KMT2C: variants seen among roughly 807,000 people sequenced by gnomAD.
KMT2C encodes lysine methyltransferase 2C.
In KMT2C, 88 loss-of-function variants were observed where a neutral mutation model predicts 507.9. The observed-to-expected ratio is 0.17, with a 90% CI of 0.15 to 0.21. The LOEUF is 0.21. Ranked by LOEUF, KMT2C falls within the 10% of genes least tolerant of loss-of-function variation. The pLI is 1.00. For missense variants in KMT2C, 4,954 were observed against 5,957.8 expected, an observed-to-expected ratio of 0.83 and a Z score of 5.55; for synonymous variants, 2,049 against 2,080.8, an observed-to-expected ratio of 0.98 and a Z score of 0.42.
intron 6 of KMT2C, among the ~76,000 whole-genome samples, chr7:152,284,331 G>A (rs550130869): frequency 1.3e-5 from 2 of 152,090 alleles, no homozygotes; most frequent in African/African-American, 2.4e-5. Context: ...TTTGACCAAG[G>A]GGCCAAGATA....
At position 152,369,177 on chromosome 7, in the gene KMT2C, G is replaced by A. The variant is rs148062016; in HGVS notation, c.162-10502C>T. 4.1e-3 allele frequency among the ~76,000 whole-genome samples: 625 copies of A among 152,144 alleles called. 20 individuals carry two copies. The East Asian group carries it at 0.053, about 13-fold the overall frequency. Reference sequence around the variant, plus strand: ...GTCTCCACTAAAAATACAAAAGTTGGCCGGGCATGGTGGCACGTGCCTGTA... The same window carrying A: ...GTCTCCACTAAAAATACAAAAGTTGACCGGGCATGGTGGCACGTGCCTGTA... On this transcript the variant is annotated intron_variant, in intron 1 of 58. Coordinates refer to ENST00000262189, the MANE Select transcript of KMT2C (RefSeq NM_170606.3).
chr7:152,383,718 A>G (rs962892448), intron 1 of KMT2C, among the ~76,000 whole-genome samples: 4 of 152,154 alleles, frequency 2.6e-5, no homozygotes, highest in African/African-American at 9.7e-5. Context: ...ACCTTAAGCA[A>G]GTCACTTAAC....
At chr7:152,231,316 T>C (rs2095102464) in intron 16 of KMT2C, among the ~76,000 whole-genome samples, 1 of 152,212 alleles carries the variant, frequency 6.6e-6, no homozygotes, top group Non-Finnish European at 1.5e-5. Context: ...AGCTCTGAAC[T>C]AGAAGCTGTA....
Position 152,185,789 on chromosome 7 carries a change from G to A in KMT2C, c.5009-158C>T, listed in dbSNP as rs112926439. Among the ~76,000 whole-genome samples, 11 of 152,318 alleles carry A rather than the reference G, an allele frequency of 7.2e-5. 1 individual carries two copies. In the South Asian group the frequency reaches 8.3e-4, roughly 11 times the overall value. ...AAGTTTTTTACAAAGAACAAAGATC[G>A]TGGCACACTGTAGGCCAAACAAACG... On this transcript the variant is annotated intron_variant, in intron 33 of 58. Transcript: ENST00000262189.
At chr7:152,233,459 AAAG>A (rs1002481959) in intron 16 of KMT2C, among the ~76,000 whole-genome samples, 21 of 152,192 alleles carry the variant, frequency 1.4e-4, no homozygotes, top group African/African-American at 5.1e-4. Flanking sequence ...GTAAACAAAA[AAAG>A]AAGATCAAAT....
intron 2 of KMT2C, among the ~76,000 whole-genome samples, chr7:152,345,787 CTG>C (rs1421808856): frequency 1.3e-5 from 2 of 152,140 alleles, no homozygotes; most frequent in Non-Finnish European, 2.9e-5. Context: ...TCCTAAAGTG[CTG>C]TGATTCCAGG....
intron 6 of KMT2C, among the ~76,000 whole-genome samples, chr7:152,297,059 G>GAAAGAAAGAAAGAAAGAC (rs1563767704): frequency 1.0e-3 from 67 of 64,386 alleles, no homozygotes; most frequent in Admixed American, 2.1e-3. Context: ...GAAAGACAGA[G>GAAAGAAAGAAAGAAAGAC]AGAGAGAGAG....
At chr7:152,252,747 GT>G (rs756833175) in intron 9 of KMT2C, 32 bp from the exon 10 acceptor site, 1 of 1,488,890 alleles carries the variant, frequency 6.7e-7, no homozygotes, top group South Asian at 1.2e-5. Context: ...AACAAAAACA[GT>G]TTGTTATGCA....
At position 152,376,098 on chromosome 7, in the gene KMT2C, CTA is replaced by C. The variant is rs568858487; in HGVS notation, c.162-17425_162-17424del. Reference sequence around the variant, plus strand: ...GGGATTCCAGGAGTGAGCTACCATGCTATCTTTGATGTTACTATTGTAATTGT... The same window carrying C: ...GGGATTCCAGGAGTGAGCTACCATGCTCTTTGATGTTACTATTGTAATTGT... On this transcript the variant is annotated intron_variant, in intron 1 of 58. Coordinates refer to ENST00000262189, the MANE Select transcript of KMT2C (RefSeq NM_170606.3). Among the ~76,000 whole-genome samples the C allele has an allele frequency of 5.3e-5, 8 of 152,328 alleles. No individual in the cohort carries two copies. The South Asian group carries it at 1.7e-3, about 32-fold the overall frequency.
intron 27 of KMT2C, among the ~76,000 whole-genome samples, chr7:152,198,508 T>C (rs2094032098): frequency 6.6e-6 from 1 of 152,134 alleles, no homozygotes; most frequent in South Asian, 2.1e-4. Context: ...TGATTTACAA[T>C]TGACAGAACC....
At position 152,149,027 on chromosome 7, in the gene KMT2C, A is replaced by C. The variant is rs1468493659; in HGVS notation, c.12900T>G (p.Ser4300=). The C allele has an allele frequency of 6.5e-7, 1 of 1,538,610 alleles. No individual in the cohort carries two copies. Among genetic ancestry groups the C allele is most frequent in the East Asian group, 2.3e-5 (1 of 44,436 alleles). ...AGGCGATGGGTGGTGAGGCAGGGGG[A>C]GAAGCTTTCTCTGGGAGCTGGGGGA... The part of the protein sequence containing the change: ...HCLPQLPEKA[S]PPASPPIAFP... Residue 4300 remains serine, a synonymous_variant, in exon 52 of 59, where the codon TCT becomes TCG. Coordinates refer to ENST00000262189, the MANE Select transcript of KMT2C (RefSeq NM_170606.3).
chr7:152,430,300 A>T (rs1365623444), intron 1 of KMT2C, among the ~76,000 whole-genome samples: 1 of 152,190 alleles, frequency 6.6e-6, no homozygotes, highest in African/African-American at 2.4e-5. Context: ...GAAAATTTTT[A>T]AAGAGAAAAG....
At chr7:152,367,900 A>G (rs2097260393) in intron 1 of KMT2C, 6 of 1,048,320 alleles carry the variant, frequency 5.7e-6, no homozygotes, top group Non-Finnish European at 9.0e-6. Flanking sequence ...AAGCGTTCGC[A>G]TGAAAAAGTG....
At chr7:152,408,814 TA>T (rs33915849) in intron 1 of KMT2C, among the ~76,000 whole-genome samples, 7,077 of 122,264 alleles carry the variant, frequency 0.058, 221 homozygotes, top group South Asian at 0.11. Context: ...AAGGTTTTGT[TA>T]AAAAAAAAAA....
intron 1 of KMT2C, among the ~76,000 whole-genome samples, chr7:152,369,005 A>C (rs1201205245): frequency 6.6e-6 from 1 of 152,060 alleles, no homozygotes; most frequent in African/African-American, 2.4e-5. Flanking sequence ...CCAAAATAAA[A>C]GGACTGTGGA....
At chr7:152,321,181 C>T (rs2096769912) in intron 3 of KMT2C, among the ~76,000 whole-genome samples, 1 of 151,888 alleles carries the variant, frequency 6.6e-6, no homozygotes, top group African/African-American at 2.4e-5. Flanking sequence ...TTCCAGTGAG[C>T]CAAGATCGCA....
At chr7:152,180,258 T>A in intron 36 of KMT2C, 132 bp from the exon 37 acceptor site, 1 of 897,246 alleles carries the variant, frequency 1.1e-6, no homozygotes, top group Non-Finnish European at 1.7e-6. Context: ...TGGACTCAAG[T>A]GATCCTCCTG....
At position 152,181,436 on chromosome 7, in the gene KMT2C, C is replaced by A. The variant is rs755222856; in HGVS notation, c.6424G>T (p.Val2142Leu). 58 of 1,613,764 alleles carry A rather than the reference C, an allele frequency of 3.6e-5. No individual in the cohort carries two copies. The highest frequency in any genetic ancestry group is 4.7e-5 in the Non-Finnish European group (56 of 1,179,900). The change falls in exon 36 of 59, where the codon GTA (valine) becomes TTA (leucine). Residue 2142 changes from valine to leucine, a missense_variant. Physicochemically the swap from Val to Leu is conservative, Grantham distance 32. Around this residue, in one of 29 missense-constraint regions of KMT2C, gnomAD observed 1,689 missense variants for 1,654.3 expected, o/e 1.02. Transcript: ENST00000262189. ...CCTGAAGATTGGGAATAAGAATCTA[C>A]AACAGGTCGTGGAGTTCCTGGGGGT... is the stretch of plus-strand genomic sequence containing the variant. ...SQPPGTPRPVVDSYSQSSGTA... is the reference protein window; with the variant it reads ...SQPPGTPRPVLDSYSQSSGTA...
intron 6 of KMT2C, among the ~76,000 whole-genome samples, chr7:152,298,952 T>C (rs1360086803): frequency 1.3e-5 from 2 of 152,172 alleles, no homozygotes; most frequent in African/African-American, 4.8e-5. Flanking sequence ...ATGTACACTA[T>C]AATCTTAAAG....
Sources: gnomAD v4.1 joint callset for allele counts (sites outside exome capture counted in the v4.1 genomes callset) on GRCh38, gnomAD v4.1.1 for gene constraint, gnomAD v4.1.1 regional missense constraint, MANE v1.5 for transcripts, NCBI Gene and HGNC (gene_info 2026-07-23, HGNC 2026-07-21) for gene names.